The following ZNF704 variants were observed in gnomAD, a reference collection of about 807,000 sequenced individuals.
ZNF704 encodes zinc finger protein 704, also known as glucocorticoid induced gene 1.
In ZNF704, 10 loss-of-function variants were observed where a neutral mutation model predicts 44.7. The ratio of observed to expected loss-of-function variants is 0.22; its 90% CI spans 0.14 to 0.38. The LOEUF (loss-of-function observed/expected upper bound fraction) is 0.38, where lower values mean the gene tolerates loss of function less well. Ranked by LOEUF, ZNF704 falls within the 10% of genes least tolerant of loss-of-function variation. The pLI is 1.00. For missense variants in ZNF704, 390 were observed against 545.5 expected (o/e 0.71, Z 2.84); for synonymous variants, 211 against 207.6 (o/e 1.02, Z -0.14).
chr8:80,737,493 G>T (rs965271628), intron 2 of ZNF704, among the ~76,000 whole-genome samples: 2 of 152,178 alleles, frequency 1.3e-5, no homozygotes, highest in South Asian at 4.1e-4. Context: ...GCTTCCTCCA[G>T]AGCAAGTGAT....
intron 1 of ZNF704, among the ~76,000 whole-genome samples, chr8:80,852,584 C>T (rs1158996003): frequency 6.6e-6 from 1 of 152,156 alleles, no homozygotes; most frequent in Non-Finnish European, 1.5e-5. Context: ...ACACAGACTC[C>T]GAATGTTATA....
intron 1 of ZNF704, among the ~76,000 whole-genome samples, chr8:80,859,853 C>A (rs1356998873): frequency 6.6e-6 from 1 of 151,898 alleles, no homozygotes; most frequent in Admixed American, 6.6e-5. Context: ...GGTGAAAGGA[C>A]CAGAATGAAA....
intron 2 of ZNF704, among the ~76,000 whole-genome samples, chr8:80,698,413 A>G (rs193226622): frequency 4.9e-4 from 74 of 152,240 alleles, no homozygotes; most frequent in African/African-American, 1.8e-3. Flanking sequence ...TTTAAAAAGG[A>G]AAGGGAAGAC....
intron 2 of ZNF704, among the ~76,000 whole-genome samples, chr8:80,697,428 G>A (rs73693829): frequency 0.041 from 6,199 of 152,248 alleles, 459 homozygotes; most frequent in African/African-American, 0.14. Flanking sequence ...GAGGGACACT[G>A]CCCCTCCATG....
At chr8:80,724,310 C>T (rs1806434499) in intron 2 of ZNF704, among the ~76,000 whole-genome samples, 1 of 152,198 alleles carries the variant, frequency 6.6e-6, no homozygotes, top group African/African-American at 2.4e-5. Context: ...ACCCATGACT[C>T]TTCCTATCTA....
intron 2 of ZNF704, among the ~76,000 whole-genome samples, chr8:80,695,840 T>C (rs1308065671): frequency 6.6e-6 from 1 of 152,204 alleles, no homozygotes; most frequent in Non-Finnish European, 1.5e-5. Flanking sequence ...TCAGAGTGTT[T>C]TTGGATTTGG....
chr8:80,715,892 C>A (rs1563529066), intron 2 of ZNF704, among the ~76,000 whole-genome samples: 1 of 151,918 alleles, frequency 6.6e-6, no homozygotes, highest in Non-Finnish European at 1.5e-5. Flanking sequence ...CCAGCCTGGG[C>A]AACATGGTGA....
intron 7 of ZNF704, among the ~76,000 whole-genome samples, chr8:80,651,064 C>T (rs1440691831): frequency 1.3e-5 from 2 of 152,156 alleles, no homozygotes; most frequent in Non-Finnish European, 2.9e-5. Context: ...TTCAGCCAAA[C>T]TAAGCTTCAT....
At chr8:80,701,463 G>A (rs1278308531) in intron 2 of ZNF704, among the ~76,000 whole-genome samples, 4 of 151,614 alleles carry the variant, frequency 2.6e-5, no homozygotes, top group African/African-American at 2.4e-5. Flanking sequence ...CTTCAGTCTC[G>A]CAGGGAGGTT....
At chr8:80,764,151 G>T (rs989841094) in intron 2 of ZNF704, among the ~76,000 whole-genome samples, 9 of 152,064 alleles carry the variant, frequency 5.9e-5, no homozygotes, top group African/African-American at 2.2e-4. Flanking sequence ...ACATTTTTGG[G>T]TAGTGGCAGT....
chr8:80,742,868 A>C (rs1300010290), intron 2 of ZNF704, among the ~76,000 whole-genome samples: 2 of 152,048 alleles, frequency 1.3e-5, no homozygotes, highest in Non-Finnish European at 2.9e-5. Flanking sequence ...AGGTACCGAG[A>C]GACAAGACTA....
chr8:80,656,216 G>A (rs1818015168), intron 7 of ZNF704, among the ~76,000 whole-genome samples: 1 of 152,114 alleles, frequency 6.6e-6, no homozygotes, highest in Non-Finnish European at 1.5e-5. Flanking sequence ...TCTCGACTGT[G>A]CATGCACAGT....
chr8:80,699,970 C>A (rs1281220171), intron 2 of ZNF704, among the ~76,000 whole-genome samples: 1 of 152,164 alleles, frequency 6.6e-6, no homozygotes, highest in African/African-American at 2.4e-5. Flanking sequence ...CATCCCTTTA[C>A]CCCCAGTGAG....
intron 4 of ZNF704, among the ~76,000 whole-genome samples, chr8:80,681,052 G>T (rs973160822): frequency 6.6e-6 from 1 of 151,934 alleles, no homozygotes; most frequent in African/African-American, 2.4e-5. Context: ...TCAGTAGTTT[G>T]CTCCCTTTTA....
chr8:80,698,993 C>T (rs771759952), intron 2 of ZNF704, among the ~76,000 whole-genome samples: 10 of 152,022 alleles, frequency 6.6e-5, no homozygotes, highest in Non-Finnish European at 1.5e-4. Flanking sequence ...AGACATTTAT[C>T]GGCAATTAAA....
intron 1 of ZNF704, among the ~76,000 whole-genome samples, chr8:80,832,628 C>T (rs2129931775): frequency 6.6e-6 from 1 of 152,148 alleles, no homozygotes; most frequent in Middle Eastern, 3.4e-3. Context: ...CTGAAAACAA[C>T]CCATTTGCTT....
At chr8:80,769,578 T>C (rs1281360224) in intron 2 of ZNF704, among the ~76,000 whole-genome samples, 12 of 152,230 alleles carry the variant, frequency 7.9e-5, no homozygotes, top group Non-Finnish European at 1.3e-4. Flanking sequence ...CCAGTCTCTT[T>C]GCTAAAACAT....
intron 2 of ZNF704, among the ~76,000 whole-genome samples, chr8:80,762,907 G>GTA (rs1417805975): frequency 6.6e-6 from 1 of 152,162 alleles, no homozygotes; most frequent in East Asian, 1.9e-4. Flanking sequence ...AAAACACAGG[G>GTA]GCTATAGGCC....
chr8:80,674,416 T>C (rs1207873903), intron 4 of ZNF704, among the ~76,000 whole-genome samples: 1 of 152,208 alleles, frequency 6.6e-6, no homozygotes, highest in Non-Finnish European at 1.5e-5. Flanking sequence ...GCAGGCTGCA[T>C]ATGAAGCATG....
Sources: allele counts gnomAD v4.1 joint callset (sites outside exome capture counted in the v4.1 genomes callset), GRCh38; gene constraint gnomAD v4.1.1; transcripts MANE v1.5; gene names NCBI Gene and HGNC (gene_info 2026-07-23, HGNC 2026-07-21).